The following MYO9A variants were observed in gnomAD, a reference collection of about 807,000 sequenced individuals.
MYO9A encodes the protein myosin IXA, also known as unconventional myosin-IXa.
Under a neutral mutation model 293.3 loss-of-function variants are expected in MYO9A, and 103 were observed. That is an observed-to-expected ratio of 0.35 (90% CI 0.30 to 0.41). The LOEUF (loss-of-function observed/expected upper bound fraction) is 0.41. Among genes scored for constraint, MYO9A ranks in the 10% least tolerant of loss-of-function variants. The probability of loss-of-function intolerance (pLI) is 1.00; values close to 1 mark genes in which losing one functional copy is unlikely to be tolerated. For synonymous variants in MYO9A, 1,001 were observed against 1,035.7 expected, an observed-to-expected ratio of 0.97 and a Z score of 0.64; for missense variants, 2,685 against 3,033.0, an observed-to-expected ratio of 0.89 and a Z score of 2.69.
intron 1 of MYO9A, among the ~76,000 whole-genome samples, chr15:72,082,135 T>G (rs1192839695): frequency 6.6e-6 from 1 of 152,236 alleles, no homozygotes; most frequent in East Asian, 1.9e-4. Flanking sequence ...ATGGCCATTT[T>G]AACAAACTGA....
At chr15:71,841,016 G>A (rs1317756651) in intron 39 of MYO9A, among the ~76,000 whole-genome samples, 1 of 152,150 alleles carries the variant, frequency 6.6e-6, no homozygotes, top group Non-Finnish European at 1.5e-5. Flanking sequence ...GTGTGTGTGT[G>A]TACAATATAC....
chr15:71,979,544 CTCT>C (rs2076221669), intron 11 of MYO9A, among the ~76,000 whole-genome samples: 1 of 152,180 alleles, frequency 6.6e-6, no homozygotes, highest in African/African-American at 2.4e-5. Flanking sequence ...CTCATTTTGT[CTCT>C]TTTCTTTTTT....
At chr15:71,948,956 G>C (rs532807845) in intron 15 of MYO9A, among the ~76,000 whole-genome samples, 87 of 146,840 alleles carry the variant, frequency 5.9e-4, no homozygotes, top group African/African-American at 2.1e-3. Context: ...TTTTGTGAGG[G>C]GGGGGGATGT....
intron 1 of MYO9A, among the ~76,000 whole-genome samples, chr15:72,058,228 A>G (rs1010946464): frequency 2.0e-5 from 3 of 152,240 alleles, no homozygotes; most frequent in Non-Finnish European, 2.9e-5. Context: ...AAATATGGAA[A>G]AGAATTTATA....
intron 9 of MYO9A, among the ~76,000 whole-genome samples, chr15:71,995,191 T>C (rs1283315891): frequency 1.3e-5 from 2 of 152,154 alleles, no homozygotes; most frequent in Non-Finnish European, 2.9e-5. Context: ...GAAGGTATAA[T>C]TGGAAGTTTA....
chr15:71,836,798 CAAAA>C lies in MYO9A; in HGVS notation c.6838-6491_6838-6488del, dbSNP rs1455810232. Among the ~76,000 whole-genome samples the C allele has an allele frequency of 4.0e-5, 6 of 151,752 alleles. 1 individual carries two copies. The highest frequency in any genetic ancestry group is 3.9e-4 in the Admixed American group (6 of 15,242). On this transcript the variant is annotated intron_variant, in intron 39 of 41. Transcript: ENST00000356056. Reference sequence around the variant, plus strand: ...CAGGGATACATATTTTGGTAGCAAACAAAAAATAAAGTAAGTCATTAATGTAAAA... The same window carrying C: ...CAGGGATACATATTTTGGTAGCAAACAATAAAGTAAGTCATTAATGTAAAA...
At chr15:72,086,513 G>C (rs1388471200) in intron 1 of MYO9A, among the ~76,000 whole-genome samples, 5 of 152,174 alleles carry the variant, frequency 3.3e-5, no homozygotes, top group African/African-American at 1.2e-4. Context: ...GTACAACCAG[G>C]GGAAGGGAGG....
chr15:72,055,230 G>A (rs894764115), intron 1 of MYO9A, among the ~76,000 whole-genome samples: 5 of 152,126 alleles, frequency 3.3e-5, no homozygotes, highest in African/African-American at 7.2e-5. Context: ...AGACCAGCCC[G>A]GGCAATATAC....
intron 1 of MYO9A, among the ~76,000 whole-genome samples, chr15:72,074,149 GATA>G (rs931300255): frequency 2.0e-5 from 3 of 151,906 alleles, no homozygotes; most frequent in African/African-American, 7.3e-5. Flanking sequence ...ATTAATGTGT[GATA>G]ATAATAATAA....
chr15:72,006,499 A>G (rs1047746418), intron 8 of MYO9A, among the ~76,000 whole-genome samples: 3 of 152,322 alleles, frequency 2.0e-5, no homozygotes, highest in South Asian at 4.1e-4. Flanking sequence ...GCAAATCTAT[A>G]TATCTACTAA....
intron 1 of MYO9A, chr15:72,114,446 G>C (rs780373694): frequency 2.6e-5 from 4 of 152,254 alleles, no homozygotes; most frequent in Non-Finnish European, 4.4e-5. Flanking sequence ...ACAAGGCAGT[G>C]ACAGACTGGA....
chr15:71,867,427 AAATAT>A (rs571414491), intron 32 of MYO9A, among the ~76,000 whole-genome samples: 3 of 152,172 alleles, frequency 2.0e-5, no homozygotes, highest in Non-Finnish European at 4.4e-5. Context: ...ACATGACAAA[AAATAT>A]AATAAGCCAA....
At chr15:71,969,907 G>A (rs574643503) in intron 12 of MYO9A, among the ~76,000 whole-genome samples, 9 of 152,194 alleles carry the variant, frequency 5.9e-5, no homozygotes, top group Non-Finnish European at 8.8e-5. Flanking sequence ...GAAGGGTAGC[G>A]TCAGGAGAAC....
At position 71,875,785 on chromosome 15, in the gene MYO9A, A is replaced by G. The variant is rs770611277; in HGVS notation, c.5979+6T>C. The G allele has an allele frequency of 2.2e-6, 3 of 1,344,044 alleles. No homozygotes were observed. Among genetic ancestry groups the G allele is most frequent in the Non-Finnish European group, 2.9e-6 (3 of 1,030,630 alleles). 83.3% of individuals were successfully genotyped at this position (1,344,044 alleles called of 1,614,324 possible). ...TTTTTAATTTAAAAAACAGATTATA[A>G]CTTACCAAATCAGTTTCCTTTTTCC... is the stretch of plus-strand genomic sequence containing the variant. On this transcript the variant is annotated splice_donor_region_variant and intron_variant, in intron 32 of 41. Transcript: ENST00000356056.
At position 71,854,581 on chromosome 15, in the gene MYO9A, A is replaced by G. The variant is rs761582355; in HGVS notation, c.6154-12T>C. 5.8e-6 allele frequency: 9 copies of G among 1,558,582 alleles called. No individual in the cohort carries two copies. Among genetic ancestry groups the G allele is most frequent in the Non-Finnish European group, 7.8e-6 (9 of 1,155,504 alleles). ...AGCTCTGGATCATACTAAATGAAAGATAATTTTTAGTTTCCAAATGCATTC... is the reference window on the plus strand; with the variant it reads ...AGCTCTGGATCATACTAAATGAAAGGTAATTTTTAGTTTCCAAATGCATTC... On this transcript the variant is annotated splice_polypyrimidine_tract_variant and intron_variant, in intron 34 of 41. Coordinates refer to ENST00000356056, the MANE Select transcript of MYO9A (RefSeq NM_006901.4).
intron 32 of MYO9A, among the ~76,000 whole-genome samples, chr15:71,862,935 T>TAA (rs1414550318): frequency 1.3e-5 from 2 of 150,508 alleles, no homozygotes. Context: ...TTGGCTTTTT[T>TAA]TTTTTTTTTT....
intron 15 of MYO9A, among the ~76,000 whole-genome samples, chr15:71,949,132 T>C (rs1433071571): frequency 2.6e-5 from 4 of 152,180 alleles, no homozygotes; most frequent in Admixed American, 6.5e-5. Context: ...TTATCTATAA[T>C]GTGCCTAGGT....
Position 72,097,326 on chromosome 15 carries a change from C to A in MYO9A, c.-72+20354G>T, listed in dbSNP as rs140806443. Among the ~76,000 whole-genome samples, 257 of 152,318 alleles carry A rather than the reference C, an allele frequency of 1.7e-3. 1 individual carries two copies. The highest frequency in any genetic ancestry group is 4.9e-3 in the Admixed American group (75 of 15,286). ...GCAGCCACCACCATGAAGTAAAGAA[C>A]CTCCACCAGCAAAAAGATTACAATT... On this transcript the variant is annotated intron_variant, in intron 1 of 41. Coordinates refer to ENST00000356056, the MANE Select transcript of MYO9A (RefSeq NM_006901.4).
At chr15:71,840,543 T>C (rs1205054143) in intron 39 of MYO9A, among the ~76,000 whole-genome samples, 1 of 152,270 alleles carries the variant, frequency 6.6e-6, no homozygotes, top group Non-Finnish European at 1.5e-5. Context: ...TAGATTAATT[T>C]AGAAGAACTG....
Sources: allele counts gnomAD v4.1 joint callset (sites outside exome capture counted in the v4.1 genomes callset), GRCh38; gene constraint gnomAD v4.1.1; transcripts MANE v1.5; gene names NCBI Gene and HGNC (gene_info 2026-07-23, HGNC 2026-07-21).